The following TMEM132C variants were observed in gnomAD, a reference collection of about 807,000 sequenced individuals.
The protein encoded by TMEM132C is protein phosphatase 1, regulatory subunit 152.
A neutral mutation model predicts 61.4 loss-of-function variants in TMEM132C; 29 were observed. The ratio of observed to expected loss-of-function variants is 0.47; its 90% CI spans 0.35 to 0.64. The LOEUF (loss-of-function observed/expected upper bound fraction) is 0.64. Among genes scored for constraint, TMEM132C ranks in the 30% least tolerant of loss-of-function variants. The pLI, the probability that TMEM132C is intolerant of heterozygous loss-of-function variation, is 0.00. For missense variants in TMEM132C, 1,408 were observed against 1,476.9 expected (o/e 0.95, Z 0.76); for synonymous variants, 656 against 633.1 (o/e 1.04, Z -0.54).
At chr12:128,348,419 T>C (rs1395011634) in intron 1 of TMEM132C, among the ~76,000 whole-genome samples, 1 of 152,220 alleles carries the variant, frequency 6.6e-6, no homozygotes. Context: ...ATGCTTTTCC[T>C]TTTCTTTCGT....
intron 4 of TMEM132C, among the ~76,000 whole-genome samples, chr12:128,651,198 A>G (rs747427875): frequency 5.9e-5 from 9 of 152,230 alleles, no homozygotes; most frequent in Non-Finnish European, 1.0e-4. Flanking sequence ...CCAAGGCTGC[A>G]GCTTGAAGAT....
chr12:128,524,318 G>A (rs954730640), intron 2 of TMEM132C, among the ~76,000 whole-genome samples: 4 of 152,146 alleles, frequency 2.6e-5, no homozygotes, highest in Non-Finnish European at 5.9e-5. Flanking sequence ...AACACTAACG[G>A]TGGCATAAAC....
chr12:128,677,844 G>T (rs193026450), intron 5 of TMEM132C, among the ~76,000 whole-genome samples: 95 of 152,370 alleles, frequency 6.2e-4, no homozygotes, highest in Middle Eastern at 6.8e-3. Flanking sequence ...TCCCAGTGCA[G>T]AGCTAAAAAT....
chr12:128,432,054 CT>C (rs1352203644), intron 2 of TMEM132C, among the ~76,000 whole-genome samples: 4 of 152,300 alleles, frequency 2.6e-5, no homozygotes, highest in Admixed American at 6.5e-5. Context: ...TATAGGACGG[CT>C]TACTAAATAT....
At chr12:128,631,825 A>G (rs995186206) in intron 4 of TMEM132C, among the ~76,000 whole-genome samples, 8 of 152,136 alleles carry the variant, frequency 5.3e-5, no homozygotes, top group East Asian at 3.8e-4. Flanking sequence ...TCCCCAGTAA[A>G]AAGTCTGCCT....
rs75456729 is a variant in TMEM132C at position 128,516,440 on chromosome 12, T to G, written c.975-27517T>G. Among the ~76,000 whole-genome samples the G allele has an allele frequency of 2.3e-3, 344 of 152,132 alleles. 2 individuals carry two copies. The highest frequency in any genetic ancestry group is 7.8e-3 in the African/African-American group (323 of 41,504). On this transcript the variant is annotated intron_variant, in intron 2 of 8. Transcript: ENST00000435159. ...CAACTTAATTCATGGTGGAAGAACA[T>G]CAGGACACAGGATGGCTCTAGGATT...
intron 4 of TMEM132C, among the ~76,000 whole-genome samples, chr12:128,666,499 G>A (rs1389043071): frequency 6.6e-6 from 1 of 152,136 alleles, no homozygotes; most frequent in Admixed American, 6.5e-5. Context: ...AGACAGTCTA[G>A]GATTCAACAG....
chr12:128,444,091 T>C (rs1458692713), intron 2 of TMEM132C, among the ~76,000 whole-genome samples: 2 of 152,148 alleles, frequency 1.3e-5, no homozygotes, highest in African/African-American at 4.8e-5. Context: ...GCGCAGCTAA[T>C]TAAATTTTTT....
chr12:128,615,162 C>T (rs924114822), intron 3 of TMEM132C, among the ~76,000 whole-genome samples: 4 of 152,072 alleles, frequency 2.6e-5, no homozygotes, highest in African/African-American at 9.7e-5. Context: ...GCCTCTCAGC[C>T]CCTATAGCAG....
chr12:128,701,807 G>A (rs1284625481), intron 8 of TMEM132C, among the ~76,000 whole-genome samples: 2 of 151,948 alleles, frequency 1.3e-5, no homozygotes, highest in African/African-American at 2.4e-5. Flanking sequence ...CACCCATTGA[G>A]TCACTGATTT....
chr12:128,332,907 C>G (rs1314175735), intron 1 of TMEM132C, among the ~76,000 whole-genome samples: 1 of 152,230 alleles, frequency 6.6e-6, no homozygotes, highest in African/African-American at 2.4e-5. Context: ...GACCTCCACC[C>G]TCCAGACAGC....
intron 1 of TMEM132C, among the ~76,000 whole-genome samples, chr12:128,359,881 T>A (rs548223097): frequency 8.3e-4 from 127 of 152,318 alleles, no homozygotes; most frequent in Non-Finnish European, 1.2e-3. Context: ...AAAACTAATT[T>A]GAAGCATGCT....
intron 1 of TMEM132C, among the ~76,000 whole-genome samples, chr12:128,312,557 G>A (rs1173615999): frequency 6.6e-6 from 1 of 152,144 alleles, no homozygotes; most frequent in Non-Finnish European, 1.5e-5. Context: ...GGGAGACTTG[G>A]ATACAGAGGC....
intron 1 of TMEM132C, among the ~76,000 whole-genome samples, chr12:128,347,320 C>T (rs1197733649): frequency 6.6e-6 from 1 of 151,926 alleles, no homozygotes; most frequent in African/African-American, 2.4e-5. Context: ...TTTATCCACT[C>T]GTTGGTTGAT....
At chr12:128,545,018 C>T (rs1873899489) in intron 3 of TMEM132C, among the ~76,000 whole-genome samples, 2 of 152,136 alleles carry the variant, frequency 1.3e-5, no homozygotes, top group South Asian at 2.1e-4. Flanking sequence ...AGGTTTGTTA[C>T]GTTTATATGT....
chr12:128,314,589 G>T (rs1477399364), intron 1 of TMEM132C, among the ~76,000 whole-genome samples: 1 of 152,112 alleles, frequency 6.6e-6, no homozygotes, highest in Admixed American at 6.5e-5. Flanking sequence ...TTTCAATGAG[G>T]ACATACTGGA....
At chr12:128,646,876 T>C (rs1169356894) in intron 4 of TMEM132C, among the ~76,000 whole-genome samples, 1 of 151,686 alleles carries the variant, frequency 6.6e-6, no homozygotes, top group Non-Finnish European at 1.5e-5. Flanking sequence ...GATGAATGTG[T>C]TTACTGGAGT....
chr12:128,387,323 C>G lies in TMEM132C; in HGVS notation c.86-27409C>G, dbSNP rs146069804. ...TGCTGGCGTGGAGGTTGCCCCAGAT[C>G]TGGGGCTTCTGCACCAGGAGGTGTG... On this transcript the variant is annotated intron_variant, in intron 1 of 8. Coordinates refer to ENST00000435159, the MANE Select transcript of TMEM132C (RefSeq NM_001136103.3). Among the ~76,000 whole-genome samples the G allele has an allele frequency of 3.1e-3, 467 of 152,198 alleles. 3 individuals are homozygous for G. The highest frequency in any genetic ancestry group is 0.011 in the African/African-American group (453 of 41,518).
At chr12:128,489,933 G>T (rs1024216236) in intron 2 of TMEM132C, among the ~76,000 whole-genome samples, 1 of 152,074 alleles carries the variant, frequency 6.6e-6, no homozygotes, top group Non-Finnish European at 1.5e-5. Context: ...TTTCGTCCAC[G>T]TGTATGCCAC....
Sources: allele counts gnomAD v4.1 joint callset (sites outside exome capture counted in the v4.1 genomes callset), GRCh38; gene constraint gnomAD v4.1.1; transcripts MANE v1.5; gene names NCBI Gene and HGNC (gene_info 2026-07-23, HGNC 2026-07-21).